The following AGBL1 variants were observed in gnomAD, a reference collection of about 807,000 sequenced individuals.
AGBL1 encodes AGBL carboxypeptidase 1.
In AGBL1, 130 loss-of-function variants were observed where a neutral mutation model predicts 118.9. The ratio of observed to expected loss-of-function variants is 1.09; its 90% CI spans 0.95 to 1.26. The LOEUF is 1.26. AGBL1 is among the 50% of genes most tolerant of loss of function. The pLI is 0.00. For synonymous variants in AGBL1, 555 were observed against 478.9 expected, an observed-to-expected ratio of 1.16 and a Z score of -2.08; for missense variants, 1,584 against 1,298.1, an observed-to-expected ratio of 1.22 and a Z score of -3.38.
chr15:86,844,186 C>T (rs1329771583), intron 22 of AGBL1, among the ~76,000 whole-genome samples: 1 of 152,092 alleles, frequency 6.6e-6, no homozygotes, highest in Non-Finnish European at 1.5e-5. Flanking sequence ...ATAATGCTGC[C>T]GTGAACACTC....
At chr15:86,729,343 G>T (rs1303631166) in intron 22 of AGBL1, among the ~76,000 whole-genome samples, 1 of 152,092 alleles carries the variant, frequency 6.6e-6, no homozygotes, top group East Asian at 1.9e-4. Context: ...TGTATAAATT[G>T]TGTGTCACTG....
chr15:86,084,196 C>T (rs1167629458), intron 1 of AGBL1, among the ~76,000 whole-genome samples: 2 of 152,154 alleles, frequency 1.3e-5, no homozygotes, highest in African/African-American at 4.8e-5. Context: ...TGACAATCAA[C>T]CTGGGTAGAG....
intron 1 of AGBL1, among the ~76,000 whole-genome samples, chr15:86,136,777 TG>T (rs1271334929): frequency 6.6e-6 from 1 of 152,014 alleles, no homozygotes; most frequent in East Asian, 1.9e-4. Flanking sequence ...GGTGAGGAGC[TG>T]GGAGGAGGAA....
intron 22 of AGBL1, among the ~76,000 whole-genome samples, chr15:86,800,519 T>C (rs16977995): frequency 0.066 from 10,107 of 152,204 alleles, 504 homozygotes; most frequent in East Asian, 0.19. Context: ...TTTGGTGTTC[T>C]ACACTTTCCC....
chr15:86,451,932 C>T (rs865777425), intron 18 of AGBL1, among the ~76,000 whole-genome samples: 8 of 151,962 alleles, frequency 5.3e-5, no homozygotes, highest in Non-Finnish European at 7.4e-5. Context: ...CATTCAAGAC[C>T]GTAAAAAAAT....
intron 21 of AGBL1, among the ~76,000 whole-genome samples, chr15:86,607,242 T>C (rs2084590521): frequency 6.6e-6 from 1 of 152,228 alleles, no homozygotes; most frequent in Non-Finnish European, 1.5e-5. Flanking sequence ...CTTCCAAGCT[T>C]TAGCTATCAT....
At chr15:86,941,037 C>T (rs577440169) in intron 23 of AGBL1, among the ~76,000 whole-genome samples, 1 of 152,118 alleles carries the variant, frequency 6.6e-6, no homozygotes, top group Non-Finnish European at 1.5e-5. Flanking sequence ...ATTCTTGTAA[C>T]TTTGTCTTTT....
chr15:86,803,197 G>A (rs2078673986), intron 22 of AGBL1, among the ~76,000 whole-genome samples: 1 of 152,096 alleles, frequency 6.6e-6, no homozygotes. Flanking sequence ...TGTGTCAAGG[G>A]AGGGAGGTGA....
chr15:86,971,474 T>G (rs976299177), intron 23 of AGBL1, among the ~76,000 whole-genome samples: 6 of 151,974 alleles, frequency 3.9e-5, no homozygotes, highest in Non-Finnish European at 1.5e-5. Flanking sequence ...TTTATACTAT[T>G]CCTACTAACC....
intron 20 of AGBL1, among the ~76,000 whole-genome samples, chr15:86,554,027 A>T (rs999896744): frequency 6.6e-6 from 1 of 151,888 alleles, no homozygotes; most frequent in Non-Finnish European, 1.5e-5. Context: ...CATCCAGCTA[A>T]TTTTTGTATT....
chr15:86,843,525 G>A (rs989675871), intron 22 of AGBL1, among the ~76,000 whole-genome samples: 5 of 148,886 alleles, frequency 3.4e-5, no homozygotes, highest in African/African-American at 1.2e-4. Context: ...GTTTTTTTTT[G>A]TTTGTATGTT....
intron 18 of AGBL1, among the ~76,000 whole-genome samples, chr15:86,414,636 A>G (rs2081665491): frequency 6.6e-6 from 1 of 152,232 alleles, no homozygotes; most frequent in East Asian, 1.9e-4. Context: ...CCATTAAAAT[A>G]TTAACATGCA....
intron 5 of AGBL1, among the ~76,000 whole-genome samples, chr15:86,174,246 C>T (rs1286489521): frequency 1.3e-5 from 2 of 151,764 alleles, no homozygotes; most frequent in Non-Finnish European, 2.9e-5. Flanking sequence ...ATTTATTTTT[C>T]AGCTAGTTTC....
chr15:86,898,162 G>A (rs2080158117), intron 22 of AGBL1, among the ~76,000 whole-genome samples: 1 of 152,130 alleles, frequency 6.6e-6, no homozygotes, highest in Non-Finnish European at 1.5e-5. Flanking sequence ...TTTTATTAAA[G>A]CACCAGAATA....
chr15:86,724,872 A>G (rs138669276), intron 22 of AGBL1, among the ~76,000 whole-genome samples: 146 of 152,286 alleles, frequency 9.6e-4, no homozygotes, highest in African/African-American at 3.4e-3. Context: ...ACCTTCTGCC[A>G]TGATTTTTAG....
intron 23 of AGBL1, among the ~76,000 whole-genome samples, chr15:86,952,916 T>C (rs2141673189): frequency 6.6e-6 from 1 of 152,320 alleles, no homozygotes; most frequent in East Asian, 1.9e-4. Context: ...CAAGCATAAG[T>C]CATTGAATAA....
chr15:86,893,690 T>A (rs1268701342), intron 22 of AGBL1, among the ~76,000 whole-genome samples: 1 of 152,146 alleles, frequency 6.6e-6, no homozygotes, highest in Admixed American at 6.6e-5. Flanking sequence ...TGTTTGAGGA[T>A]GAGGATGGTG....
intron 21 of AGBL1, among the ~76,000 whole-genome samples, chr15:86,566,008 A>G (rs2083907955): frequency 6.6e-6 from 1 of 152,156 alleles, no homozygotes; most frequent in Non-Finnish European, 1.5e-5. Context: ...GAGTGACCCA[A>G]TTTTCCAGGT....
chr15:86,128,582 C>T (rs538306240), intron 1 of AGBL1, among the ~76,000 whole-genome samples: 13 of 152,354 alleles, frequency 8.5e-5, no homozygotes, highest in Non-Finnish European at 1.8e-4. Flanking sequence ...CGCCCCACCT[C>T]GCATGGTGAC....
Sources: allele counts gnomAD v4.1 joint callset (sites outside exome capture counted in the v4.1 genomes callset), GRCh38; gene constraint gnomAD v4.1.1; transcripts MANE v1.5; gene names NCBI Gene and HGNC (gene_info 2026-07-23, HGNC 2026-07-21).